The following ZNF423 variants were observed in gnomAD, a reference collection of about 807,000 sequenced individuals.
The protein encoded by ZNF423 is Ebf-associated zinc finger protein.
ZNF423 carries 12 observed loss-of-function variants against 95.8 expected under a neutral mutation model. That is an observed-to-expected ratio of 0.13 (90% CI 0.08 to 0.20). The LOEUF (loss-of-function observed/expected upper bound fraction) is 0.20. Ranked by LOEUF, ZNF423 falls within the 10% of genes least tolerant of loss-of-function variation. The pLI is 1.00. For synonymous variants in ZNF423, 749 were observed against 711.9 expected (o/e 1.05, Z -0.83); for missense variants, 1,316 against 1,737.1 (o/e 0.76, Z 4.31).
chr16:49,623,224 G>T (rs1342077062), intron 5 of ZNF423, among the ~76,000 whole-genome samples: 1 of 152,196 alleles, frequency 6.6e-6, no homozygotes, highest in African/African-American at 2.4e-5. Context: ...CAGGTCAGCT[G>T]ACAGCGCTGC....
chr16:49,520,158 T>A lies in ZNF423; in HGVS notation c.3849+3466A>T, dbSNP rs143374095. 1.6e-4 allele frequency among the ~76,000 whole-genome samples: 25 copies of A among 152,352 alleles called. No homozygotes were observed. The East Asian group carries it at 4.6e-3, about 28-fold the overall frequency. Reference sequence around the variant, plus strand: ...ACCCCGTGGGTATTTCTTCATCTTTTCACCACTGTCTTCTCAGGTGCTAGA... The same window carrying A: ...ACCCCGTGGGTATTTCTTCATCTTTACACCACTGTCTTCTCAGGTGCTAGA... On this transcript the variant is annotated intron_variant, in intron 7 of 7. Transcript: ENST00000563137.
chr16:49,825,798 CAG>C (rs2034999484), intron 1 of ZNF423, among the ~76,000 whole-genome samples: 1 of 152,184 alleles, frequency 6.6e-6, no homozygotes, highest in Admixed American at 6.5e-5. Flanking sequence ...TGGTCAGAAA[CAG>C]ACCATAACAT....
intron 5 of ZNF423, among the ~76,000 whole-genome samples, chr16:49,538,604 G>T (rs1969138704): frequency 6.6e-6 from 1 of 152,278 alleles, no homozygotes; most frequent in South Asian, 2.1e-4. Flanking sequence ...TCTTCTGCCA[G>T]GTGGCCCTGG....
intron 3 of ZNF423, among the ~76,000 whole-genome samples, chr16:49,661,090 G>T (rs2030196083): frequency 6.6e-6 from 1 of 151,956 alleles, no homozygotes; most frequent in Non-Finnish European, 1.5e-5. Context: ...GTGTGATGGT[G>T]GGCGCCTGTA....
At chr16:49,781,642 C>T (rs1001798463) in intron 2 of ZNF423, among the ~76,000 whole-genome samples, 14 of 152,298 alleles carry the variant, frequency 9.2e-5, no homozygotes, top group African/African-American at 3.4e-4. Flanking sequence ...GGCGGGACTG[C>T]ACGGAGTGGC....
At chr16:49,607,803 A>G (rs1227905877) in intron 5 of ZNF423, among the ~76,000 whole-genome samples, 2 of 152,206 alleles carry the variant, frequency 1.3e-5, no homozygotes, top group African/African-American at 4.8e-5. Flanking sequence ...AAATGCTACA[A>G]TTCCACAACA....
chr16:49,846,574 T>G (rs961019732), intron 1 of ZNF423, among the ~76,000 whole-genome samples: 1 of 152,180 alleles, frequency 6.6e-6, no homozygotes, highest in Non-Finnish European at 1.5e-5. Context: ...CTGCAGGGGC[T>G]GTCCTGGGCA....
At chr16:49,572,235 C>T (rs945764754) in intron 5 of ZNF423, among the ~76,000 whole-genome samples, 1 of 152,122 alleles carries the variant, frequency 6.6e-6, no homozygotes, top group African/African-American at 2.4e-5. Flanking sequence ...GAGCCAGAAA[C>T]ATGACAATTC....
chr16:49,506,476 A>AGATG (rs1345498460), intron 7 of ZNF423, among the ~76,000 whole-genome samples: 1 of 145,798 alleles, frequency 6.9e-6, no homozygotes, highest in African/African-American at 2.6e-5. Context: ...ATGAATGAAT[A>AGATG]GATGGATGGA....
chr16:49,647,068 C>A (rs983838911), intron 3 of ZNF423, among the ~76,000 whole-genome samples: 8 of 152,246 alleles, frequency 5.3e-5, no homozygotes, highest in Non-Finnish European at 1.2e-4. Context: ...AACCACCAGG[C>A]TACACTGCTT....
At chr16:49,642,797 T>TTTTCTTTC (rs1296887136) in intron 3 of ZNF423, among the ~76,000 whole-genome samples, 6 of 103,296 alleles carry the variant, frequency 5.8e-5, no homozygotes, top group African/African-American at 1.4e-4. Flanking sequence ...AGCGGTTCTC[T>TTTTCTTTC]TTTCTTTTTT....
In ZNF423 at chr16:49,855,763, C is replaced by G. The variant is rs1271020912; in HGVS notation, c.12G>C (p.Arg4=). 6.5e-6 allele frequency: 1 copy of G among 153,172 alleles called. No individual in the cohort carries two copies. The highest frequency in any genetic ancestry group is 2.0e-4 in the East Asian group (1 of 5,110). 9.5% of individuals were successfully genotyped at this position (153,172 alleles called of 1,614,324 possible). Reference sequence around the variant, plus strand: ...TCACCGAGCGCGGCTTCGCCTGCTTCCGCCTGGACATGTCCGGGGCTCCGG... The same window carrying G: ...TCACCGAGCGCGGCTTCGCCTGCTTGCGCCTGGACATGTCCGGGGCTCCGG... MSR[R]KQAKPRSVKV... Residue 4 remains arginine (R), a synonymous_variant, in exon 1 of 8, where the codon CGG becomes CGC. Transcript: ENST00000563137. The surrounding 1 kb of genome is among the most constrained non-coding windows in gnomAD (Gnocchi z 4.7).
intron 7 of ZNF423, among the ~76,000 whole-genome samples, chr16:49,503,943 G>A (rs1009504374): frequency 2.0e-5 from 3 of 152,242 alleles, no homozygotes; most frequent in Non-Finnish European, 4.4e-5. Flanking sequence ...CATGCCCAGA[G>A]CAGGTTATAC....
At chr16:49,770,207 T>C (rs190962309) in intron 2 of ZNF423, among the ~76,000 whole-genome samples, 1 of 151,606 alleles carries the variant, frequency 6.6e-6, no homozygotes, top group Non-Finnish European at 1.5e-5. Context: ...AATGAACGAA[T>C]GAATGAATGA....
intron 1 of ZNF423, among the ~76,000 whole-genome samples, chr16:49,819,794 T>C (rs2034912535): frequency 6.6e-6 from 1 of 152,148 alleles, no homozygotes; most frequent in African/African-American, 2.4e-5. Context: ...CGTGCAATGG[T>C]TCAACCTCAC....
At chr16:49,520,466 C>G (rs79852289) in intron 7 of ZNF423, among the ~76,000 whole-genome samples, 2 of 152,174 alleles carry the variant, frequency 1.3e-5, no homozygotes, top group East Asian at 3.9e-4. Flanking sequence ...CCAAGCCTGT[C>G]ATGGTTCAGT....
At chr16:49,740,510 G>A (rs2033392987) in intron 2 of ZNF423, among the ~76,000 whole-genome samples, 1 of 152,186 alleles carries the variant, frequency 6.6e-6, no homozygotes, top group Admixed American at 6.5e-5. Flanking sequence ...CAGGCAGCGG[G>A]GTAACATTTA....
At chr16:49,822,167 G>A (rs1020660802) in intron 1 of ZNF423, among the ~76,000 whole-genome samples, 3 of 139,824 alleles carry the variant, frequency 2.1e-5, no homozygotes, top group African/African-American at 5.2e-5. Context: ...AGTCACCCCC[G>A]CAGGAATTTT....
At chr16:49,778,463 G>C (rs2034157184) in intron 2 of ZNF423, among the ~76,000 whole-genome samples, 1 of 152,226 alleles carries the variant, frequency 6.6e-6, no homozygotes, top group African/African-American at 2.4e-5. Context: ...CCCCACCCAA[G>C]GAAGGAACCT....
Sources: allele counts gnomAD v4.1 joint callset (sites outside exome capture counted in the v4.1 genomes callset), GRCh38; gene constraint gnomAD v4.1.1; non-coding constraint Gnocchi (gnomAD v3.1); transcripts MANE v1.5; gene names NCBI Gene and HGNC (gene_info 2026-07-23, HGNC 2026-07-21).